The following DLG1 variants were observed in gnomAD, a reference collection of about 807,000 sequenced individuals.
The protein encoded by DLG1 is discs large MAGUK scaffold protein 1.
Under a neutral mutation model 123.4 loss-of-function variants are expected in DLG1, and 42 were observed. The observed-to-expected ratio is 0.34, with a 90% CI of 0.27 to 0.44. The LOEUF is 0.44. Ranked by LOEUF, DLG1 falls within the 20% of genes least tolerant of loss-of-function variation. The pLI, the probability that DLG1 is intolerant of heterozygous loss-of-function variation, is 1.00. For missense variants in DLG1, 942 were observed against 1,082.6 expected (o/e 0.87, Z 1.82); for synonymous variants, 317 against 356.2 (o/e 0.89, Z 1.24).
At chr3:197,182,095 C>T (rs1392440809) in intron 5 of DLG1, among the ~76,000 whole-genome samples, 1 of 151,778 alleles carries the variant, frequency 6.6e-6, no homozygotes, top group Non-Finnish European at 1.5e-5. Context: ...GTTATCTGTG[C>T]ATACATATAT....
At chr3:197,264,730 T>TTCCA (rs1169378764) in intron 4 of DLG1, among the ~76,000 whole-genome samples, 1 of 152,168 alleles carries the variant, frequency 6.6e-6, no homozygotes, top group Non-Finnish European at 1.5e-5. Context: ...CCTAGCCACG[T>TTCCA]TCCAGATTTT....
At chr3:197,252,984 A>C (rs1040184273) in intron 4 of DLG1, among the ~76,000 whole-genome samples, 2 of 152,198 alleles carry the variant, frequency 1.3e-5, no homozygotes, top group Admixed American at 1.3e-4. Context: ...CTTAATCTGA[A>C]AAAACAGGAG....
intron 1 of DLG1, chr3:197,297,740 C>A (rs997529051): frequency 5.9e-5 from 58 of 986,188 alleles, no homozygotes; most frequent in Non-Finnish European, 6.6e-5. Flanking sequence ...CCGCTCTCCG[C>A]GACGCCCTCG....
intron 17 of DLG1, among the ~76,000 whole-genome samples, chr3:197,079,540 C>T (rs771307709): frequency 6.6e-6 from 1 of 152,218 alleles, no homozygotes; most frequent in Middle Eastern, 3.4e-3. Flanking sequence ...TTAAACACGT[C>T]GTTAATTCAG....
At chr3:197,062,260 C>T (rs555402898) in intron 22 of DLG1, among the ~76,000 whole-genome samples, 29 of 152,198 alleles carry the variant, frequency 1.9e-4, no homozygotes, top group Non-Finnish European at 4.0e-4. Context: ...AATCATCCAA[C>T]ATGCCTGTTT....
chr3:197,058,526 A>G (rs1006826490), intron 23 of DLG1, among the ~76,000 whole-genome samples: 7 of 152,136 alleles, frequency 4.6e-5, no homozygotes, highest in African/African-American at 1.7e-4. Flanking sequence ...ATACATGAGG[A>G]TTTTCTAGTT....
rs1413088647 is a variant in DLG1, at chr3:197,043,556, G to T, written c.*1067C>A. On this transcript the variant is annotated 3_prime_UTR_variant, in exon 25 of 25. Transcript: ENST00000667157. ...AAAAAGTTAGGAGTAGGTGGCAAAA[G>T]AAACAAAATATATTTTAAATATATA... 8 of 151,590 alleles carry T rather than the reference G, an allele frequency of 5.3e-5. No homozygotes were observed. The highest frequency in any genetic ancestry group is 1.9e-4 in the African/African-American group (8 of 41,300). The allele number at this position is 151,590 out of a possible 1,614,324, so 9.4% of individuals were successfully genotyped here. A position where few individuals can be genotyped will look rare whatever the true frequency, so the allele number is the denominator to read the frequency against.
intron 5 of DLG1, among the ~76,000 whole-genome samples, chr3:197,154,773 C>G (rs1795608220): frequency 6.6e-6 from 1 of 151,886 alleles, no homozygotes; most frequent in Non-Finnish European, 1.5e-5. Flanking sequence ...TTATAAAATT[C>G]AGGAAATGAG....
At chr3:197,253,414 G>A (rs1755386747) in intron 4 of DLG1, among the ~76,000 whole-genome samples, 1 of 152,148 alleles carries the variant, frequency 6.6e-6, no homozygotes, top group African/African-American at 2.4e-5. Context: ...TGGCAAGGAT[G>A]TGGAAAAACT....
intron 5 of DLG1, among the ~76,000 whole-genome samples, chr3:197,163,528 T>C (rs1799718209): frequency 6.6e-6 from 1 of 151,554 alleles, no homozygotes; most frequent in South Asian, 2.1e-4. Flanking sequence ...GGTATGATTT[T>C]TTTTTTTTTT....
intron 4 of DLG1, among the ~76,000 whole-genome samples, chr3:197,238,119 C>T (rs910851124): frequency 1.3e-5 from 2 of 152,154 alleles, no homozygotes; most frequent in African/African-American, 2.4e-5. Flanking sequence ...ACTTTTACCT[C>T]CACTAAGCAG....
intron 10 of DLG1, among the ~76,000 whole-genome samples, chr3:197,135,721 G>C (rs986613574): frequency 4.6e-5 from 7 of 152,034 alleles, no homozygotes; most frequent in African/African-American, 1.7e-4. Context: ...AAAAATACTG[G>C]AGATGAAAGT....
chr3:197,058,077 C>T (rs1733055835), intron 23 of DLG1, among the ~76,000 whole-genome samples: 1 of 151,784 alleles, frequency 6.6e-6, no homozygotes, highest in African/African-American at 2.4e-5. Context: ...TCCCTGTGCT[C>T]AAGCAATCCC....
rs1438590279 is a variant in DLG1 at position 197,136,696 on chromosome 3, C to A, written c.884-18G>T. On this transcript the variant is annotated intron_variant, in intron 9 of 24. Coordinates refer to ENST00000667157, the MANE Select transcript of DLG1 (RefSeq NM_001366207.1). Reference sequence around the variant, plus strand: ...CCCAAGACCTGTTTGGAAAACAGTTCTAGATTCTCATCCATAAATATGAAC... The same window carrying A: ...CCCAAGACCTGTTTGGAAAACAGTTATAGATTCTCATCCATAAATATGAAC... 1 of 1,587,120 alleles carries A rather than the reference C, an allele frequency of 6.3e-7. No individual in the cohort carries two copies. Among genetic ancestry groups the A allele is most frequent in the African/African-American group, 1.4e-5 (1 of 73,860 alleles).
At chr3:197,075,914 C>T (rs1578619810) in intron 18 of DLG1, 1 of 1,584,540 alleles carries the variant, frequency 6.3e-7, no homozygotes, top group East Asian at 2.3e-5. Flanking sequence ...AAAAGATAAT[C>T]AAAGAAAATA....
At position 197,138,619 on chromosome 3, in the gene DLG1, T is replaced by C. The variant is rs60832860; in HGVS notation, c.714-228A>G. Reference sequence around the variant, plus strand: ...GGAACAAAAGAAATAGTGAAAATAATAGATTATATAAAAATGTTAAATAAT... The same window carrying C: ...GGAACAAAAGAAATAGTGAAAATAACAGATTATATAAAAATGTTAAATAAT... On this transcript the variant is annotated intron_variant, in intron 8 of 24. Coordinates refer to ENST00000667157, the MANE Select transcript of DLG1 (RefSeq NM_001366207.1). 1.3e-3 allele frequency among the ~76,000 whole-genome samples: 203 copies of C among 152,098 alleles called. 2 individuals carry two copies. The highest frequency in any genetic ancestry group is 4.7e-3 in the African/African-American group (195 of 41,540).
chr3:197,067,039 T>A (rs561687662), intron 19 of DLG1, among the ~76,000 whole-genome samples: 107 of 152,250 alleles, frequency 7.0e-4, no homozygotes, highest in African/African-American at 2.5e-3. Context: ...TATGTGCTAC[T>A]CCTTTATTTA....
At chr3:197,127,472 AT>A (rs1174739743) in intron 11 of DLG1, among the ~76,000 whole-genome samples, 2 of 98,892 alleles carry the variant, frequency 2.0e-5, no homozygotes, top group South Asian at 3.1e-4. Flanking sequence ...ATATATATAT[AT>A]ATATATATAT....
intron 4 of DLG1, among the ~76,000 whole-genome samples, chr3:197,257,088 T>C (rs765891089): frequency 9.9e-5 from 15 of 152,112 alleles, no homozygotes; most frequent in Non-Finnish European, 1.6e-4. Context: ...TTGAAGTCTT[T>C]TAAAAAAAAT....
Sources: gnomAD v4.1 joint callset for allele counts (sites outside exome capture counted in the v4.1 genomes callset) on GRCh38, gnomAD v4.1.1 for gene constraint, MANE v1.5 for transcripts, NCBI Gene and HGNC (gene_info 2026-07-23, HGNC 2026-07-21) for gene names.